The following CHM variants were observed in gnomAD, a reference collection of about 807,000 sequenced individuals.
The protein encoded by CHM is rab proteins geranylgeranyltransferase component A 1.
A neutral mutation model predicts 49.0 loss-of-function variants in CHM; 10 were observed. The observed-to-expected ratio is 0.20, with a 90% CI of 0.13 to 0.35. The LOEUF is 0.35. Among genes scored for constraint, CHM ranks in the 10% least tolerant of loss-of-function variants. The pLI, the probability that CHM is intolerant of heterozygous loss-of-function variation, is 1.00. For missense variants in CHM, 455 were observed against 478.4 expected (o/e 0.95, Z 0.46); for synonymous variants, 184 against 167.5 (o/e 1.10, Z -0.76).
chrX:85,989,174 G>C (rs973124988), intron 2 of CHM, among the ~76,000 whole-genome samples: 1 of 111,507 alleles, frequency 9.0e-6, no homozygotes, highest in African/African-American at 3.3e-5. Flanking sequence ...GAACTGAATA[G>C]AGAGCCCAGA....
intron 3 of CHM, among the ~76,000 whole-genome samples, chrX:85,980,409 C>T (rs765561760): frequency 8.9e-6 from 1 of 112,252 alleles, no homozygotes; most frequent in Non-Finnish European, 1.9e-5. Context: ...TTTCTCTATA[C>T]TCATTTCATG....
At chrX:85,928,416 G>A (rs924067849) in intron 8 of CHM, among the ~76,000 whole-genome samples, 5 of 110,218 alleles carry the variant, frequency 4.5e-5, no homozygotes, top group African/African-American at 6.6e-5. Context: ...GGTGGCGGGC[G>A]CCTGCAGTCC....
intron 2 of CHM, among the ~76,000 whole-genome samples, chrX:85,994,156 G>A (rs180895829): frequency 1.2e-4 from 13 of 112,173 alleles, no homozygotes; most frequent in Non-Finnish European, 2.1e-4. Flanking sequence ...AATTGTAGTT[G>A]TGCCTTTTAC....
At chrX:85,889,126 A>G (rs1197259603) in intron 12 of CHM, among the ~76,000 whole-genome samples, 5 of 111,946 alleles carry the variant, frequency 4.5e-5, no homozygotes, top group Non-Finnish European at 9.4e-5. Flanking sequence ...AAATGGAAAA[A>G]TAATTTACAA....
chrX:85,964,108 T>C, intron 4 of CHM, 56 bp from the exon 5 acceptor site: 2 of 1,058,187 alleles, frequency 1.9e-6, no homozygotes, highest in Non-Finnish European at 2.6e-6. Context: ...CCCTTACCCC[T>C]TTTATCAAGT....
intron 2 of CHM, among the ~76,000 whole-genome samples, chrX:86,021,136 A>ATATACG (rs1569255098): frequency 2.2e-3 from 63 of 29,255 alleles, no homozygotes; most frequent in Non-Finnish European, 4.0e-3. Flanking sequence ...GTATATATAT[A>ATATACG]TATATATATA....
chrX:85,863,258 A>C lies in CHM; in HGVS notation c.*1372T>G, dbSNP rs1297467765. On this transcript the variant is annotated 3_prime_UTR_variant, in exon 15 of 15. Transcript: ENST00000357749. ...AGGTGCCCACCATAACACCCAGCTA[A>C]AATTTTGTATTTTTAGTAGAGACAG... is the stretch of plus-strand genomic sequence containing the variant. 9.0e-6 allele frequency: 1 copy of C among 111,244 alleles called. No individual in the cohort carries two copies. The highest frequency in any genetic ancestry group is 1.9e-5 in the Non-Finnish European group (1 of 53,012). The allele number at this position is 111,244 out of a possible 1,213,427, so 9.2% of individuals were successfully genotyped here. A position where few individuals can be genotyped will look rare whatever the true frequency, so the allele number is the denominator to read the frequency against.
intron 8 of CHM, among the ~76,000 whole-genome samples, chrX:85,935,926 T>G (rs1282794948): frequency 8.9e-6 from 1 of 112,086 alleles, no homozygotes; most frequent in Non-Finnish European, 1.9e-5. Context: ...CTCTAGTACA[T>G]GAAAGGAAAA....
intron 11 of CHM, among the ~76,000 whole-genome samples, chrX:85,897,308 T>TGC (rs1925949743): frequency 2.8e-5 from 2 of 72,341 alleles, no homozygotes; most frequent in Non-Finnish European, 2.4e-5. Flanking sequence ...TGTGTGTGCG[T>TGC]GTGTGTGTGT....
In CHM at chrX:86,047,513, G is replaced by C; in HGVS notation, c.20C>G (p.Ser7Trp). Residue 7 changes from serine (S) to tryptophan (W), a missense_variant, in exon 1 of 15, where the codon TCG becomes TGG. Ser to Trp is a radical substitution (Grantham distance 177). Coordinates refer to ENST00000357749, the MANE Select transcript of CHM (RefSeq NM_000390.4). ...CCCTATTACGATCACATCAAACTCC[G>C]AAGGGAGAGTATCCGCCATCTTGAC... MADTLPSEFDVIVIGTG... is the reference protein window; with the variant it reads MADTLPWEFDVIVIGTG... 8.3e-7 allele frequency: 1 copy of C among 1,208,013 alleles called. No individual in the cohort carries two copies. Among genetic ancestry groups the C allele is most frequent in the Non-Finnish European group, 1.1e-6 (1 of 893,128 alleles).
intron 2 of CHM, among the ~76,000 whole-genome samples, chrX:86,018,169 A>T (rs1232310783): frequency 8.9e-6 from 1 of 112,572 alleles, no homozygotes; most frequent in East Asian, 2.8e-4. Context: ...GTTAGAAGGC[A>T]TAAAGAACTC....
At chrX:85,912,161 T>C (rs1927069371) in intron 8 of CHM, among the ~76,000 whole-genome samples, 1 of 111,080 alleles carries the variant, frequency 9.0e-6, no homozygotes, top group African/African-American at 3.3e-5. Context: ...ATGTTAGGGG[T>C]TTGAAATTAT....
intron 8 of CHM, among the ~76,000 whole-genome samples, chrX:85,911,719 G>A (rs1927039089): frequency 9.0e-6 from 1 of 111,076 alleles, no homozygotes; most frequent in East Asian, 2.8e-4. Context: ...GTGTTAAAGA[G>A]GAATTAAGCA....
intron 9 of CHM, among the ~76,000 whole-genome samples, chrX:85,908,970 C>A (rs1320027198): frequency 9.0e-6 from 1 of 111,496 alleles, no homozygotes; most frequent in Non-Finnish European, 1.9e-5. Context: ...AAGAACATTA[C>A]CAAAGAACTA....
intron 2 of CHM, among the ~76,000 whole-genome samples, chrX:86,004,219 T>C (rs944682310): frequency 2.7e-5 from 3 of 111,613 alleles, no homozygotes; most frequent in African/African-American, 9.8e-5. Context: ...TGCTGAGAGA[T>C]TTTGTCACCA....
chrX:86,038,346 T>C (rs918082368), intron 1 of CHM, among the ~76,000 whole-genome samples: 34 of 111,589 alleles, frequency 3.0e-4, no homozygotes, highest in Non-Finnish European at 5.5e-4. Context: ...TATTCCTCAT[T>C]TGTCTCTTAA....
intron 5 of CHM, among the ~76,000 whole-genome samples, chrX:85,961,135 T>C (rs1477131113): frequency 1.8e-5 from 2 of 110,525 alleles, no homozygotes; most frequent in African/African-American, 3.3e-5. Flanking sequence ...AAGAGGTAGG[T>C]CTTTGGACGA....
At chrX:86,041,732 A>G (rs1472877483) in intron 1 of CHM, among the ~76,000 whole-genome samples, 453 of 18,516 alleles carry the variant, frequency 0.024, 1 homozygote, top group Non-Finnish European at 0.033. Context: ...GTGTGTATAT[A>G]TATATATATA....
chrX:85,930,453 C>A (rs1193465528), intron 8 of CHM, among the ~76,000 whole-genome samples: 1 of 112,188 alleles, frequency 8.9e-6, no homozygotes, highest in Non-Finnish European at 1.9e-5. Flanking sequence ...ATTTAAATTT[C>A]TTTTACAGTT....
Sources: allele counts gnomAD v4.1 joint callset (sites outside exome capture counted in the v4.1 genomes callset), GRCh38; gene constraint gnomAD v4.1.1; transcripts MANE v1.5; gene names NCBI Gene and HGNC (gene_info 2026-07-23, HGNC 2026-07-21).